Variants in FLNC observed in about 807,000 individuals in gnomAD.
FLNC encodes the protein filamin C, also known as filamin-C.
FLNC carries 91 observed loss-of-function variants against 254.3 expected under a neutral mutation model. The ratio of observed to expected loss-of-function variants is 0.36; its 90% CI spans 0.30 to 0.43. The LOEUF (loss-of-function observed/expected upper bound fraction) is 0.43. Among genes scored for constraint, FLNC ranks in the 20% least tolerant of loss-of-function variants. The probability of loss-of-function intolerance (pLI) is 1.00; values close to 1 mark genes in which losing one functional copy is unlikely to be tolerated. For missense variants in FLNC, 2,853 were observed against 3,802.6 expected (o/e 0.75, Z 6.57); for synonymous variants, 1,430 against 1,577.2 (o/e 0.91, Z 2.21).
rs185746835 is a variant in FLNC, at chr7:128,846,433, A to G, written c.4097A>G (p.Asn1366Ser). ...CCAGGCCTGGAGGGTGGCTTGGTCA[A>G]CAAGGCCAACCGATTCACTGTGGAG... ...FGPGLEGGLV[N>S]KANRFTVETR... The change falls in exon 23 of 48, where the codon AAC becomes AGC. Residue 1366 changes from asparagine to serine, a missense_variant. Coordinates refer to ENST00000325888, the MANE Select transcript of FLNC (RefSeq NM_001458.5). 847 of 1,604,434 alleles carry G rather than the reference A, an allele frequency of 5.3e-4. 1 individual carries two copies. The highest frequency in any genetic ancestry group is 6.7e-4 in the Non-Finnish European group (785 of 1,179,956).
Position 128,846,737 on chromosome 7 carries a change from T to C in FLNC, c.4128-8T>C. 6.2e-7 allele frequency: 1 copy of C among 1,613,306 alleles called. No individual in the cohort carries two copies. Among genetic ancestry groups the C allele is most frequent in the Non-Finnish European group, 8.5e-7 (1 of 1,179,662 alleles). On this transcript the variant is annotated splice_polypyrimidine_tract_variant and splice_region_variant and intron_variant, in intron 23 of 47. Coordinates refer to ENST00000325888, the MANE Select transcript of FLNC (RefSeq NM_001458.5). Reference sequence around the variant, plus strand: ...TTATGAAGCTGATGGGGGGATGTTATCTCTCAGGGGAGCGGGCACCGGGGG... The same window carrying C: ...TTATGAAGCTGATGGGGGGATGTTACCTCTCAGGGGAGCGGGCACCGGGGG...
intron 30 of FLNC, 82 bp from the exon 31 acceptor site, chr7:128,849,894 C>G: frequency 9.9e-7 from 1 of 1,012,900 alleles, no homozygotes; most frequent in Non-Finnish European, 1.5e-6. Context: ...CCCAGCATTT[C>G]AGGTTCCTGG....
At chr7:128,849,916 A>T in intron 30 of FLNC, 60 bp from the exon 31 acceptor site, 1 of 1,202,822 alleles carries the variant, frequency 8.3e-7, no homozygotes, top group Non-Finnish European at 1.2e-6. Flanking sequence ...CCATTCTCTG[A>T]GTCAGCCCCT....
intron 37 of FLNC, 80 bp downstream of exon 37, chr7:128,853,111 T>C (rs1808894310): frequency 1.5e-6 from 2 of 1,363,062 alleles, no homozygotes; most frequent in South Asian, 1.2e-5. Context: ...AGCACCCCCT[T>C]GGCCGCACTC....
At position 128,854,124 on chromosome 7, in the gene FLNC, A is replaced by G. The variant is rs773748149; in HGVS notation, c.6635A>G (p.Gln2212Arg). Reference protein sequence around the residue: ...KREVRVEESTQVGGDPFPAVF... With the variant: ...KREVRVEESTRVGGDPFPAVF... ...GAGGTGCGGGTGGAGGAGTCCACCC[A>G]GGTCGGCGGGGACCCCTTCCCTGCT... is the stretch of plus-strand genomic sequence containing the variant. The change falls in exon 40 of 48, where the codon CAG becomes CGG. Residue 2212 changes from glutamine to arginine, a missense_variant. Physicochemically the swap from Gln to Arg is conservative, Grantham distance 43. This residue lies in a region of FLNC where 551 missense variants were observed against 835.0 expected (regional missense o/e 0.66). Transcript: ENST00000325888. The G allele has an allele frequency of 1.2e-6, 2 of 1,612,832 alleles. No homozygotes were observed. The highest frequency in any genetic ancestry group is 2.2e-5 in the South Asian group (2 of 91,062).
In FLNC at chr7:128,843,246, C is replaced by T. The variant is rs201611050; in HGVS notation, c.2568C>T (p.Pro856=). Residue 856 remains proline (P), a synonymous_variant, in exon 17 of 48, where the codon CCC becomes CCT. Transcript: ENST00000325888. ...ACATCCAGGAGATCCCCGCCAGCCC[C>T]TTCCACATCAAGGTGGACCCATCCC... ...LFANQEIPAS[P]FHIKVDPSHD... is the part of the protein sequence containing the mutation. The T allele has an allele frequency of 2.4e-4, 385 of 1,605,320 alleles. No individual in the cohort carries two copies. Among genetic ancestry groups the T allele is most frequent in the Admixed American group, 6.8e-5 (4 of 58,754 alleles).
At chr7:128,840,331 G>A (rs533740546) in intron 9 of FLNC, among the ~76,000 whole-genome samples, 171 bp downstream of exon 9, 9 of 152,320 alleles carry the variant, frequency 5.9e-5, no homozygotes, top group African/African-American at 2.2e-4. Context: ...CAGTTTCTTG[G>A]TCTACAAGCC....
At chr7:128,848,456 C>T in intron 26 of FLNC, 105 bp from the exon 27 acceptor site, 2 of 1,227,204 alleles carry the variant, frequency 1.6e-6, no homozygotes, top group Non-Finnish European at 2.4e-6. Context: ...CACAGTCCTC[C>T]CTCCTGCCCA....
rs886042565 is a variant in FLNC, at chr7:128,830,909, A to C, written c.272A>C (p.Asn91Thr). Residue 91 changes from asparagine to threonine, a missense_variant, in exon 1 of 48, where the codon AAC (asparagine) becomes ACC (threonine). Physicochemically the swap from Asn to Thr is moderately conservative, Grantham distance 65. Transcript: ENST00000325888. The stretch of plus-strand genomic sequence containing the variant: ...TACCGCAAGTTCCATCCGCGCCCCA[A>C]CTTCCGCCAAATGAAGCTGGAGAAC... ...RMYRKFHPRP[N>T]FRQMKLENVS... 6.2e-7 allele frequency: 1 copy of C among 1,613,064 alleles called. No individual in the cohort carries two copies. Among genetic ancestry groups the C allele is most frequent in the Middle Eastern group, 1.6e-4 (1 of 6,062 alleles).
chr7:128,854,011 G>A lies in FLNC; in HGVS notation c.6522G>A (p.Leu2174=). 6.2e-7 allele frequency: 1 copy of A among 1,613,302 alleles called. No homozygotes were observed. The highest frequency in any genetic ancestry group is 1.1e-5 in the South Asian group (1 of 91,080). ...WFQMVSAQER[L]TRTFTRSSHT... ...AGATGGTGTCTGCCCAGGAGCGCCT[G>A]ACACGCACCTTCACACGCAGCAGCC... Residue 2174 remains leucine (L), a synonymous_variant, in exon 40 of 48, where the codon CTG becomes CTA. Coordinates refer to ENST00000325888, the MANE Select transcript of FLNC (RefSeq NM_001458.5).
chr7:128,857,180 A>C lies in FLNC; in HGVS notation c.7624A>C (p.Ile2542Leu). The change falls in exon 46 of 48, where the codon ATT becomes CTT. Residue 2542 changes from isoleucine (I) to leucine (L), a missense_variant. Coordinates refer to ENST00000325888, the MANE Select transcript of FLNC (RefSeq NM_001458.5). The surrounding 1 kb of genome is among the most constrained non-coding windows in gnomAD (Gnocchi z 4.5). Reference sequence around the variant, plus strand: ...CGGCTCGGGGGCCTTGTCTGTCACCATTGATGGCCCCTCCAAGGTGCAGCT... The same window carrying C: ...CGGCTCGGGGGCCTTGTCTGTCACCCTTGATGGCCCCTCCAAGGTGCAGCT... ...NAGSGALSVT[I>L]DGPSKVQLDC... 6.2e-7 allele frequency: 1 copy of C among 1,614,034 alleles called. No homozygotes were observed. Among genetic ancestry groups the C allele is most frequent in the Non-Finnish European group, 8.5e-7 (1 of 1,180,004 alleles).
At chr7:128,855,552 G>T (rs561682742) in intron 43 of FLNC, among the ~76,000 whole-genome samples, 1 of 152,230 alleles carries the variant, frequency 6.6e-6, no homozygotes, top group African/African-American at 2.4e-5. Flanking sequence ...GTGTCTGCCT[G>T]TCCTACTGCC....
intron 31 of FLNC, 150 bp downstream of exon 31, chr7:128,850,224 G>T: frequency 1.1e-6 from 1 of 909,562 alleles, no homozygotes; most frequent in Non-Finnish European, 1.8e-6. Context: ...ACCCCACTTG[G>T]GCACAGCACT....
At chr7:128,851,097 C>A in intron 33 of FLNC, 135 bp from the exon 34 acceptor site, 1 of 1,531,066 alleles carries the variant, frequency 6.5e-7, no homozygotes, top group Non-Finnish European at 9.0e-7. Context: ...TGGTGGGAAG[C>A]AGACCTCCAC....
At chr7:128,852,174 C>T (rs1048025525) in intron 35 of FLNC, among the ~76,000 whole-genome samples, 10 of 152,122 alleles carry the variant, frequency 6.6e-5, no homozygotes. Flanking sequence ...TGAAGTCACT[C>T]TTAAGAAGTT....
At chr7:128,846,187 G>C in intron 22 of FLNC, 24 bp downstream of exon 22, 1 of 1,613,674 alleles carries the variant, frequency 6.2e-7, no homozygotes, top group Non-Finnish European at 8.5e-7. Flanking sequence ...GGCCAGGCTA[G>C]TGGGCAGGGC....
In FLNC at chr7:128,846,031, A is replaced by G. The variant is rs772667448; in HGVS notation, c.3832A>G (p.Arg1278Gly). 2.5e-6 allele frequency: 4 copies of G among 1,613,872 alleles called. No homozygotes were observed. The Admixed American group carries it at 6.7e-5, about 27-fold the overall frequency. The change falls in exon 22 of 48, where the codon AGA (arginine) becomes GGA (glycine). Residue 1278 changes from arginine to glycine, a missense_variant. Arg to Gly is a moderately radical substitution (Grantham distance 125). Coordinates refer to ENST00000325888, the MANE Select transcript of FLNC (RefSeq NM_001458.5). Reference sequence around the variant, plus strand: ...GACCACTGAGTTCACTGTGGATGCAAGATCCCTAACAGCCACAGGCGGCAA... The same window carrying G: ...GACCACTGAGTTCACTGTGGATGCAGGATCCCTAACAGCCACAGGCGGCAA... Reference protein sequence around the residue: ...EVTTEFTVDARSLTATGGNHV... With the variant: ...EVTTEFTVDAGSLTATGGNHV...
rs1585164201 is a variant in FLNC at position 128,849,055 on chromosome 7, G to C, written c.4927+73G>C. 6 of 1,589,110 alleles carry C rather than the reference G, an allele frequency of 3.8e-6. No homozygotes were observed. The East Asian group carries it at 1.1e-4, about 30-fold the overall frequency. ...AAAGCCCCTCCAGAACCCTGGCCTG[G>C]TCCCCAGGGGTCTGCTGGTCGGAGA... is the stretch of plus-strand genomic sequence containing the variant. On this transcript the variant is annotated intron_variant, in intron 28 of 47. Coordinates refer to ENST00000325888, the MANE Select transcript of FLNC (RefSeq NM_001458.5).
rs1238120557 is a variant in FLNC, at chr7:128,847,680, T to C, written c.4289-17T>C. The C allele has an allele frequency of 1.9e-6, 3 of 1,613,832 alleles. No individual in the cohort carries two copies. Among genetic ancestry groups the C allele is most frequent in the Non-Finnish European group, 2.5e-6 (3 of 1,179,884 alleles). On this transcript the variant is annotated splice_polypyrimidine_tract_variant and intron_variant, in intron 24 of 47. Transcript: ENST00000325888. ...ATCAGGGCTGGTGGGCAGGGTCTAATGTCCTTCTCCTCACAGGGAGCCCGT... is the reference window on the plus strand; with the variant it reads ...ATCAGGGCTGGTGGGCAGGGTCTAACGTCCTTCTCCTCACAGGGAGCCCGT...
Sources: gnomAD v4.1 joint callset for allele counts (sites outside exome capture counted in the v4.1 genomes callset) on GRCh38, gnomAD v4.1.1 for gene constraint, gnomAD v4.1.1 regional missense constraint, Gnocchi (gnomAD v3.1) non-coding constraint, MANE v1.5 for transcripts, NCBI Gene and HGNC (gene_info 2026-07-23, HGNC 2026-07-21) for gene names.